COL23A1: variants seen among roughly 807,000 people sequenced by gnomAD.
COL23A1 encodes collagen type XXIII alpha 1 chain, also known as collagen alpha-1(XXIII) chain.
COL23A1 carries 97 observed loss-of-function variants against 99.3 expected under a neutral mutation model. The ratio of observed to expected loss-of-function variants is 0.98; its 90% confidence interval spans 0.83 to 1.16. The LOEUF (loss-of-function observed/expected upper bound fraction) is 1.16, where lower values mean the gene tolerates loss of function less well. COL23A1 is among the 50% of genes most tolerant of loss of function. The probability of loss-of-function intolerance (pLI) is 0.00; values close to 1 mark genes in which losing one functional copy is unlikely to be tolerated. For missense variants in COL23A1, 762 were observed against 757.4 expected (o/e 1.01, Z -0.07); for synonymous variants, 320 against 308.2 (o/e 1.04, Z -0.40).
chr5:178,423,770 C>T (rs886885276), intron 2 of COL23A1, among the ~76,000 whole-genome samples: 6 of 152,078 alleles, frequency 3.9e-5, no homozygotes, highest in Non-Finnish European at 7.4e-5. Context: ...TGAGGGCTAC[C>T]GCAGACCAAG....
Position 178,468,354 on chromosome 5 carries a change from G to C in COL23A1, c.361+92328C>G, listed in dbSNP as rs114862728. On this transcript the variant is annotated intron_variant, in intron 2 of 28. Transcript: ENST00000390654. The surrounding 1 kb of genome is among the most constrained non-coding windows in gnomAD (Gnocchi z 4.2). ...AACACGGAGGTGCAAGACAGGGAGG[G>C]GATGGAAGCCAGCACGTGGGTCAAA... 0.015 allele frequency among the ~76,000 whole-genome samples: 2,213 copies of C among 152,286 alleles called. 50 individuals are homozygous for C. The highest frequency in any genetic ancestry group is 0.05 in the African/African-American group (2,093 of 41,556).
At chr5:178,397,649 T>C (rs1183499291) in intron 2 of COL23A1, among the ~76,000 whole-genome samples, 2 of 152,218 alleles carry the variant, frequency 1.3e-5, no homozygotes, top group Admixed American at 6.5e-5. Flanking sequence ...CCTGTAATAA[T>C]GTGATGCGAA....
At chr5:178,414,956 G>A (rs1355913689) in intron 2 of COL23A1, among the ~76,000 whole-genome samples, 1 of 152,108 alleles carries the variant, frequency 6.6e-6, no homozygotes, top group Non-Finnish European at 1.5e-5. Flanking sequence ...GGTAACAAGG[G>A]GGTATGAAGT....
chr5:178,553,930 C>T (rs1441385990), intron 2 of COL23A1, among the ~76,000 whole-genome samples: 1 of 152,218 alleles, frequency 6.6e-6, no homozygotes, highest in South Asian at 2.1e-4. Context: ...TCTGAGGACG[C>T]AGTGCCAGGC....
At chr5:178,510,314 G>A (rs937925886) in intron 2 of COL23A1, among the ~76,000 whole-genome samples, 72 of 152,176 alleles carry the variant, frequency 4.7e-4, no homozygotes, top group African/African-American at 1.7e-3. Flanking sequence ...GGCCGAGGCG[G>A]GCGGATCACT....
chr5:178,379,581 A>G (rs1763264319), intron 2 of COL23A1, among the ~76,000 whole-genome samples: 1 of 152,218 alleles, frequency 6.6e-6, no homozygotes, highest in East Asian at 1.9e-4. Context: ...AAAAACCTAG[A>G]ACTATAAAAA....
In COL23A1 at chr5:178,434,086, T is replaced by C. The variant is rs111244972; in HGVS notation, c.361+126596A>G. Among the ~76,000 whole-genome samples, 280 of 152,292 alleles carry C rather than the reference T, an allele frequency of 1.8e-3. 1 individual carries two copies. Among genetic ancestry groups the C allele is most frequent in the African/African-American group, 6.3e-3 (261 of 41,548 alleles). The stretch of plus-strand genomic sequence containing the variant: ...AAATAAATGTCCATTGTTGATGCCA[T>C]CCCAACTGGTACTTTGTTATGGCAG... On this transcript the variant is annotated intron_variant, in intron 2 of 28. Transcript: ENST00000390654. The surrounding 1 kb of genome is among the most constrained non-coding windows in gnomAD (Gnocchi z 4.3).
chr5:178,573,976 A>G (rs1193221910), intron 1 of COL23A1, among the ~76,000 whole-genome samples: 8 of 152,180 alleles, frequency 5.3e-5, no homozygotes, highest in African/African-American at 1.9e-4. Flanking sequence ...CTCCTGCCTC[A>G]GCCTCCTGAG....
At chr5:178,301,414 G>C (rs541478480) in intron 3 of COL23A1, among the ~76,000 whole-genome samples, 2 of 152,088 alleles carry the variant, frequency 1.3e-5, no homozygotes, top group Non-Finnish European at 2.9e-5. Context: ...TACATCTCTA[G>C]CAAGTACATC....
intron 2 of COL23A1, among the ~76,000 whole-genome samples, chr5:178,385,360 C>T (rs1763616371): frequency 1.3e-5 from 2 of 152,338 alleles, no homozygotes; most frequent in South Asian, 4.1e-4. Flanking sequence ...AAACACCACC[C>T]CCACAGGCCC....
At chr5:178,372,175 C>T (rs898674433) in intron 2 of COL23A1, among the ~76,000 whole-genome samples, 4 of 152,172 alleles carry the variant, frequency 2.6e-5, no homozygotes, top group Admixed American at 6.5e-5. Context: ...ACTCCAAAGA[C>T]GGGGCTGACG....
At chr5:178,403,139 A>AAAAAAAAAAAAAAAAAAC in intron 2 of COL23A1, among the ~76,000 whole-genome samples, 1 of 147,620 alleles carries the variant, frequency 6.8e-6, no homozygotes, top group Non-Finnish European at 1.5e-5. Context: ...AATAAAAAAT[A>AAAAAAAAAAAAAAAAAAC]AATACCATTT....
chr5:178,322,548 C>T (rs1759384066), intron 2 of COL23A1, among the ~76,000 whole-genome samples: 1 of 152,166 alleles, frequency 6.6e-6, no homozygotes, highest in African/African-American at 2.4e-5. Flanking sequence ...TGAGTGTGAC[C>T]TGGAACGAGC....
At chr5:178,335,827 A>G (rs940047077) in intron 2 of COL23A1, among the ~76,000 whole-genome samples, 2 of 152,248 alleles carry the variant, frequency 1.3e-5, no homozygotes, top group Non-Finnish European at 2.9e-5. Context: ...AAAGTTGCAA[A>G]GTTCACTGGC....
At chr5:178,314,112 G>A (rs2913776) in intron 2 of COL23A1, among the ~76,000 whole-genome samples, 70,149 of 151,826 alleles carry the variant, frequency 0.46, 18,821 homozygotes, top group Non-Finnish European at 0.62. Flanking sequence ...ACTGAGACCC[G>A]GAGAGGCTGG....
intron 2 of COL23A1, among the ~76,000 whole-genome samples, chr5:178,511,021 A>G (rs946401591): frequency 2.0e-5 from 3 of 152,238 alleles, no homozygotes; most frequent in Non-Finnish European, 4.4e-5. Context: ...ATTAAAACTC[A>G]TATAGGCAAA....
intron 2 of COL23A1, among the ~76,000 whole-genome samples, chr5:178,498,041 A>G (rs956490814): frequency 1.3e-5 from 2 of 151,332 alleles, no homozygotes; most frequent in Admixed American, 1.3e-4. Context: ...CAACAACAGT[A>G]CCCAACATCA....
intron 2 of COL23A1, among the ~76,000 whole-genome samples, chr5:178,518,609 A>C (rs1350094006): frequency 0.04 from 4,130 of 104,046 alleles, 149 homozygotes; most frequent in East Asian, 0.19. Context: ...CGCTCCTCAC[A>C]TCTCAGACGA....
At chr5:178,555,034 G>A (rs907192326) in intron 2 of COL23A1, among the ~76,000 whole-genome samples, 1 of 152,064 alleles carries the variant, frequency 6.6e-6, no homozygotes, top group Non-Finnish European at 1.5e-5. Flanking sequence ...ACCACAGACT[G>A]TGCGGCTTAA....
Sources: allele counts gnomAD v4.1 joint callset (sites outside exome capture counted in the v4.1 genomes callset), GRCh38; gene constraint gnomAD v4.1.1; non-coding constraint Gnocchi (gnomAD v3.1); transcripts MANE v1.5; gene names NCBI Gene and HGNC (gene_info 2026-07-23, HGNC 2026-07-21).